Variants in RGS17 observed in about 807,000 individuals in gnomAD.
The protein encoded by RGS17 is regulator of G protein signaling 17.
RGS17 carries 12 observed loss-of-function variants against 25.5 expected under a neutral mutation model. The observed-to-expected ratio is 0.47, with a 90% CI of 0.30 to 0.76. The LOEUF (loss-of-function observed/expected upper bound fraction) is 0.76, where lower values mean the gene tolerates loss of function less well. RGS17 is among the 30% of genes least tolerant of loss of function. The pLI is 0.07. For synonymous variants in RGS17, 71 were observed against 76.9 expected (o/e 0.92, Z 0.40); for missense variants, 196 against 242.2 (o/e 0.81, Z 1.27).
chr6:153,075,944 A>C (rs1776871400), intron 1 of RGS17, among the ~76,000 whole-genome samples: 1 of 152,208 alleles, frequency 6.6e-6, no homozygotes, highest in Non-Finnish European at 1.5e-5. Context: ...TATTTACAGT[A>C]GGCGGGTGGG....
At chr6:153,019,043 G>A in intron 4 of RGS17, among the ~76,000 whole-genome samples, 1 of 152,204 alleles carries the variant, frequency 6.6e-6, no homozygotes, top group Non-Finnish European at 1.5e-5. Flanking sequence ...TAACTGGGAA[G>A]TTAGAAAAAT....
chr6:153,066,895 C>T (rs985751308), intron 1 of RGS17, among the ~76,000 whole-genome samples: 5 of 151,982 alleles, frequency 3.3e-5, no homozygotes, highest in Admixed American at 6.6e-5. Context: ...CAAAAATTAG[C>T]GGGGCGTGGT....
chr6:153,070,423 G>C (rs1306335721), intron 1 of RGS17, among the ~76,000 whole-genome samples: 1 of 151,972 alleles, frequency 6.6e-6, no homozygotes, highest in Non-Finnish European at 1.5e-5. Context: ...TAAATTTCTA[G>C]GATGTTAAAT....
intron 1 of RGS17, among the ~76,000 whole-genome samples, chr6:153,047,954 T>C (rs1332879689): frequency 6.6e-6 from 1 of 152,226 alleles, no homozygotes; most frequent in Non-Finnish European, 1.5e-5. Context: ...CCTTTTCATC[T>C]TCCTCGCTTT....
At chr6:153,067,046 A>AAAACAAAC (rs71017577) in intron 1 of RGS17, among the ~76,000 whole-genome samples, 11,274 of 151,646 alleles carry the variant, frequency 0.074, 551 homozygotes, top group Admixed American at 0.14. Flanking sequence ...TCTCAAAAAC[A>AAAACAAAC]AAACAAACAA....
rs777268938 is a variant in RGS17 at position 153,130,984 on chromosome 6, C to G, written c.-26+140G>C. 1 of 138,440 alleles carries G rather than the reference C, an allele frequency of 7.2e-6. No individual in the cohort carries two copies. The highest frequency in any genetic ancestry group is 1.6e-5 in the Non-Finnish European group (1 of 63,426). 8.6% of individuals were successfully genotyped at this position (138,440 alleles called of 1,614,324 possible). On this transcript the variant is annotated intron_variant, in intron 1 of 4. Coordinates refer to ENST00000206262, the MANE Select transcript of RGS17 (RefSeq NM_012419.5). The surrounding 1 kb of genome is among the most constrained non-coding windows in gnomAD (Gnocchi z 6.4). ...CCCCAGCGCCGCGCAGCCGCCCCCG[C>G]CGGGGCATGGGCGGTCGCGCTCTCC...
chr6:153,085,345 C>T (rs551540720), intron 1 of RGS17, among the ~76,000 whole-genome samples: 1 of 152,076 alleles, frequency 6.6e-6, no homozygotes, highest in African/African-American at 2.4e-5. Flanking sequence ...GCAGAGAAGA[C>T]CAAGATACAA....
At chr6:153,012,582 T>C (rs1231792012) in intron 4 of RGS17, among the ~76,000 whole-genome samples, 1 of 152,158 alleles carries the variant, frequency 6.6e-6, no homozygotes, top group Admixed American at 6.5e-5. Context: ...GGAAAAATAC[T>C]TGGCAATAAG....
At chr6:153,027,304 ACAATTGCTCCCTAAAGCTGAG>A (rs1779313389) in intron 2 of RGS17, among the ~76,000 whole-genome samples, 1 of 152,140 alleles carries the variant, frequency 6.6e-6, no homozygotes, top group African/African-American at 2.4e-5. Flanking sequence ...TTGTCCAATG[ACAATTGCTCCCTAAAGCTGAG>A]CAGTGCTTTA....
intron 1 of RGS17, among the ~76,000 whole-genome samples, chr6:153,077,509 A>G (rs1005436386): frequency 1.3e-5 from 2 of 152,220 alleles, no homozygotes; most frequent in Non-Finnish European, 2.9e-5. Flanking sequence ...GTTCAGCAGT[A>G]GTTTTATGAC....
At chr6:153,095,076 C>T (rs73785746) in intron 1 of RGS17, among the ~76,000 whole-genome samples, 3,580 of 151,894 alleles carry the variant, frequency 0.024, 137 homozygotes, top group African/African-American at 0.078. Flanking sequence ...TATGTGTTTC[C>T]GGGAATTTCT....
At chr6:153,056,370 G>T (rs1030418007) in intron 1 of RGS17, among the ~76,000 whole-genome samples, 3 of 152,150 alleles carry the variant, frequency 2.0e-5, no homozygotes, top group African/African-American at 7.2e-5. Context: ...CCATGCACAG[G>T]ATAAGAGGAT....
At chr6:153,039,175 G>A (rs758875804) in intron 2 of RGS17, among the ~76,000 whole-genome samples, 2 of 152,098 alleles carry the variant, frequency 1.3e-5, no homozygotes, top group Non-Finnish European at 1.5e-5. Flanking sequence ...CATTAAAGTG[G>A]ACCGAACAAC....
intron 1 of RGS17, among the ~76,000 whole-genome samples, chr6:153,120,546 T>C (rs563375879): frequency 6.6e-6 from 1 of 152,282 alleles, no homozygotes; most frequent in South Asian, 2.1e-4. Context: ...GCTGAAATTG[T>C]GGTGTTCCTA....
At chr6:153,111,240 T>G (rs1174543549) in intron 1 of RGS17, among the ~76,000 whole-genome samples, 13 of 152,138 alleles carry the variant, frequency 8.5e-5, no homozygotes, top group African/African-American at 2.9e-4. Flanking sequence ...GCTGGGATGC[T>G]CGAGCTTAGT....
chr6:153,058,581 A>AT lies in RGS17; in HGVS notation c.-25-14539dup, dbSNP rs551980915. On this transcript the variant is annotated intron_variant, in intron 1 of 4. Coordinates refer to ENST00000206262, the MANE Select transcript of RGS17 (RefSeq NM_012419.5). ...ATCCGGTTTTACCATGTAGTTGTTG[A>AT]TTCAGTGTGGGGCCCCACAAAGTTA... 3.1e-3 allele frequency among the ~76,000 whole-genome samples: 467 copies of AT among 152,312 alleles called. 5 individuals carry two copies. The highest frequency in any genetic ancestry group is 4.7e-3 in the Non-Finnish European group (321 of 68,026).
chr6:153,043,605 CT>C (rs1318455719), intron 2 of RGS17, among the ~76,000 whole-genome samples: 3 of 151,764 alleles, frequency 2.0e-5, no homozygotes, highest in Non-Finnish European at 2.9e-5. Context: ...TAACTAAAAT[CT>C]TATTTTTACC....
chr6:153,053,977 G>A lies in RGS17; in HGVS notation c.-25-9934C>T, dbSNP rs1197645005. 1.7e-3 allele frequency among the ~76,000 whole-genome samples: 39 copies of A among 22,708 alleles called. 2 individuals are homozygous for A. Among genetic ancestry groups the A allele is most frequent in the Admixed American group, 3.3e-3 (7 of 2,128 alleles). 14.9% of individuals were successfully genotyped at this position (22,708 alleles called of 152,430 possible). A position where few individuals can be genotyped will look rare whatever the true frequency, so the allele number is the denominator to read the frequency against. On this transcript the variant is annotated intron_variant, in intron 1 of 4. Coordinates refer to ENST00000206262, the MANE Select transcript of RGS17 (RefSeq NM_012419.5). ...ACATATATATTATATACATATATAT[G>A]TATATATGTATATAATATATATACA...
chr6:153,104,866 G>A (rs1241687865), intron 1 of RGS17, among the ~76,000 whole-genome samples: 1 of 151,728 alleles, frequency 6.6e-6, no homozygotes, highest in Non-Finnish European at 1.5e-5. Context: ...CCCCTGAAAA[G>A]GTTACATCTG....
Sources: allele counts gnomAD v4.1 joint callset (sites outside exome capture counted in the v4.1 genomes callset), GRCh38; gene constraint gnomAD v4.1.1; non-coding constraint Gnocchi (gnomAD v3.1); transcripts MANE v1.5; gene names NCBI Gene and HGNC (gene_info 2026-07-23, HGNC 2026-07-21).